The following QTMAN variants were observed in gnomAD, a reference collection of about 807,000 sequenced individuals.
The protein encoded by QTMAN is tRNA-queuosine alpha-mannosyltransferase.
chr2:144,104,597 C>T, the QTMAN span, among the ~76,000 whole-genome samples: 1 of 152,172 alleles, frequency 6.6e-6, no homozygotes, highest in South Asian at 2.1e-4. Flanking sequence ...ACAAGGTAAA[C>T]AAAGCAGCCA....
At chr2:144,323,011 C>A in the QTMAN span, among the ~76,000 whole-genome samples, 4 of 152,270 alleles carry the variant, frequency 2.6e-5, no homozygotes, top group South Asian at 8.3e-4. Flanking sequence ...TTAATTTTCA[C>A]TTGAAAGTTT....
the QTMAN span, among the ~76,000 whole-genome samples, chr2:144,251,768 C>T: frequency 6.6e-6 from 1 of 152,254 alleles, no homozygotes; most frequent in East Asian, 1.9e-4. Flanking sequence ...CTGTGAAAGA[C>T]ACTCTCAAGA....
the QTMAN span, among the ~76,000 whole-genome samples, chr2:143,990,535 A>G: frequency 1.3e-5 from 2 of 152,204 alleles, no homozygotes; most frequent in African/African-American, 4.8e-5. Context: ...AAAGAAAAGA[A>G]TGCATGGGAG....
chr2:144,278,678 T>C, the QTMAN span, among the ~76,000 whole-genome samples: 1 of 152,068 alleles, frequency 6.6e-6, no homozygotes, highest in Non-Finnish European at 1.5e-5. Flanking sequence ...ACCACATCTT[T>C]TACTGAGCAC....
the QTMAN span, among the ~76,000 whole-genome samples, chr2:143,959,750 A>T: frequency 6.6e-6 from 1 of 152,032 alleles, no homozygotes; most frequent in South Asian, 2.1e-4. Context: ...GTTATAAAAT[A>T]TTTTTTTGGT....
At chr2:144,123,879 A>C in the QTMAN span, among the ~76,000 whole-genome samples, 1 of 152,170 alleles carries the variant, frequency 6.6e-6, no homozygotes, top group South Asian at 2.1e-4. Flanking sequence ...ATAGGGAATA[A>C]GACAAAGATA....
the QTMAN span, among the ~76,000 whole-genome samples, chr2:144,125,695 G>A: frequency 6.6e-6 from 1 of 151,894 alleles, no homozygotes; most frequent in East Asian, 1.9e-4. Flanking sequence ...GTTAAATTCA[G>A]CATAACATAT....
chr2:144,012,573 G>GA, the QTMAN span, among the ~76,000 whole-genome samples: 1 of 152,144 alleles, frequency 6.6e-6, no homozygotes. Flanking sequence ...ATGTGCCGTT[G>GA]AATAGAATAT....
chr2:144,048,089 G>A, the QTMAN span, among the ~76,000 whole-genome samples: 1 of 152,218 alleles, frequency 6.6e-6, no homozygotes, highest in Non-Finnish European at 1.5e-5. Flanking sequence ...TACGTACTAA[G>A]TGTCCAGTGG....
the QTMAN span, among the ~76,000 whole-genome samples, chr2:144,068,310 A>G: frequency 3.3e-5 from 5 of 152,346 alleles, no homozygotes; most frequent in South Asian, 2.1e-4. Flanking sequence ...TCAGCAAAAT[A>G]TTAAATGAAA....
chr2:143,966,988 C>G, the QTMAN span, among the ~76,000 whole-genome samples: 1 of 152,202 alleles, frequency 6.6e-6, no homozygotes, highest in Non-Finnish European at 1.5e-5. Context: ...ATCAATGGTC[C>G]TGCAGTGATA....
chr2:144,102,793 A>G, the QTMAN span, among the ~76,000 whole-genome samples: 1 of 152,230 alleles, frequency 6.6e-6, no homozygotes, highest in Non-Finnish European at 1.5e-5. Flanking sequence ...CATTGCTTAC[A>G]GTGTTTCTTT....
At chr2:144,227,039 T>C in the QTMAN span, among the ~76,000 whole-genome samples, 2 of 152,264 alleles carry the variant, frequency 1.3e-5, no homozygotes, top group South Asian at 4.1e-4. Context: ...TATTAAAAAG[T>C]ATAAAGCTGC....
the QTMAN span, chr2:143,951,895 G>C: frequency 5.8e-6 from 4 of 693,490 alleles, no homozygotes; most frequent in Non-Finnish European, 1.0e-5. Flanking sequence ...TTAAACATTA[G>C]TATGTTAATT....
chr2:143,970,689 C>G, the QTMAN span: 3 of 1,609,498 alleles, frequency 1.9e-6, no homozygotes, highest in Non-Finnish European at 2.6e-6. Flanking sequence ...AGTACAGACA[C>G]GTGGAAATTG....
chr2:144,040,254 T>C, the QTMAN span, among the ~76,000 whole-genome samples: 1 of 152,122 alleles, frequency 6.6e-6, no homozygotes. Context: ...GACAATAAGA[T>C]CTCTACCACG....
At chr2:143,979,204 G>T in the QTMAN span, among the ~76,000 whole-genome samples, 16 of 151,450 alleles carry the variant, frequency 1.1e-4, no homozygotes, top group African/African-American at 3.9e-4. Context: ...CAGTGGTAGA[G>T]AAAGGATTAT....
chr2:144,133,153 T>TATATAA, the QTMAN span, among the ~76,000 whole-genome samples: 2 of 41,656 alleles, frequency 4.8e-5, no homozygotes, highest in African/African-American at 2.5e-4. Flanking sequence ...ATATATATAA[T>TATATAA]ATAATATAAT....
chr2:144,234,157 A>T, the QTMAN span, among the ~76,000 whole-genome samples: 1 of 152,194 alleles, frequency 6.6e-6, no homozygotes, highest in Non-Finnish European at 1.5e-5. Flanking sequence ...ACAGAGAAAG[A>T]GGTGATAAGT....
Sources: gnomAD v4.1 joint callset for allele counts (sites outside exome capture counted in the v4.1 genomes callset) on GRCh38, gnomAD v4.1.1 for gene constraint, MANE v1.5 for transcripts, NCBI Gene and HGNC (gene_info 2026-07-23, HGNC 2026-07-21) for gene names.